The following DOK7 variants were observed in gnomAD, a reference collection of about 807,000 sequenced individuals.
DOK7 encodes the protein protein Dok-7.
A neutral mutation model predicts 30.7 loss-of-function variants in DOK7; 32 were observed. The ratio of observed to expected loss-of-function variants is 1.04; its 90% CI spans 0.79 to 1.40. The LOEUF (loss-of-function observed/expected upper bound fraction) is 1.40, where lower values mean the gene tolerates loss of function less well. Ranked by LOEUF, DOK7 falls within the 40% of genes most tolerant of loss-of-function variation. DOK7 has a pLI of 0.00. For synonymous variants in DOK7, 447 were observed against 324.1 expected, an observed-to-expected ratio of 1.38 and a Z score of -4.07; for missense variants, 1,007 against 699.2, an observed-to-expected ratio of 1.44 and a Z score of -4.97.
In DOK7 at chr4:3,476,639, G is replaced by T. The variant is rs922403702; in HGVS notation, c.532+97G>T. 5 of 1,497,434 alleles carry T rather than the reference G, an allele frequency of 3.3e-6. No individual in the cohort carries two copies. In the African/African-American group the frequency reaches 4.1e-5, roughly 12 times the overall value. The allele number at this position is 1,497,434 out of a possible 1,614,324, so 92.8% of individuals were successfully genotyped here. A position where few individuals can be genotyped will look rare whatever the true frequency, so the allele number is the denominator to read the frequency against. On this transcript the variant is annotated intron_variant, in intron 4 of 6. Coordinates refer to ENST00000340083, the MANE Select transcript of DOK7 (RefSeq NM_173660.5). The stretch of plus-strand genomic sequence containing the variant: ...GGCCGGCCGACCCCACTTGCAGGCT[G>T]GCCTGCTGGCATTTCCAGAATGCGC...
chr4:3,489,613 G>C (rs1311972637), intron 5 of DOK7, 64 bp from the exon 6 acceptor site: 3 of 1,551,756 alleles, frequency 1.9e-6, no homozygotes, highest in Non-Finnish European at 8.7e-7. Context: ...GCTGGGCCTG[G>C]TGCCTGCGGG....
chr4:3,485,568 G>C lies in DOK7; in HGVS notation c.562G>C (p.Glu188Gln). 6.2e-7 allele frequency: 1 copy of C among 1,606,360 alleles called. No individual in the cohort carries two copies. The highest frequency in any genetic ancestry group is 8.5e-7 in the Non-Finnish European group (1 of 1,176,028). The change falls in exon 5 of 7, where the codon GAG (glutamate) becomes CAG (glutamine). Residue 188 changes from glutamate (E) to glutamine (Q), a missense_variant. Physicochemically the swap from Glu to Gln is conservative, Grantham distance 29. Coordinates refer to ENST00000340083, the MANE Select transcript of DOK7 (RefSeq NM_173660.5). ...WAGVFFLSSAEGEQISFLFDC... is the reference protein window; with the variant it reads ...WAGVFFLSSAQGEQISFLFDC... ...TGGCGTCTTCTTCCTGTCCTCGGCC[G>C]AGGGGGAGCAGATCAGCTTCCTGTT...
chr4:3,482,730 C>A (rs1334055085), intron 4 of DOK7, among the ~76,000 whole-genome samples: 1 of 152,236 alleles, frequency 6.6e-6, no homozygotes, highest in Admixed American at 6.5e-5. Context: ...AACATGCGCA[C>A]CCTGTCTTGG....
At chr4:3,490,405 TC>T (rs1222738258) in intron 6 of DOK7, among the ~76,000 whole-genome samples, 703 of 56,754 alleles carry the variant, frequency 0.012, 24 homozygotes, top group African/African-American at 0.044. Flanking sequence ...AGTCCTTCTT[TC>T]ACCCCCCCCA....
At chr4:3,471,909 C>A (rs754629453) in intron 2 of DOK7, among the ~76,000 whole-genome samples, 1 of 152,272 alleles carries the variant, frequency 6.6e-6, no homozygotes, top group African/African-American at 2.4e-5. Flanking sequence ...GGGAAGTGAA[C>A]GCACTGTCGC....
chr4:3,496,871 C>T (rs1728939031), downstream of DOK7: 3 of 1,507,080 alleles, frequency 2.0e-6, no homozygotes, highest in Non-Finnish European at 2.7e-6. Flanking sequence ...AGGTAGGCAC[C>T]TGGAGCCAGT....
At chr4:3,495,405 G>A (rs1728852135), downstream of DOK7, among the ~76,000 whole-genome samples, 1 of 152,240 alleles carries the variant, frequency 6.6e-6, no homozygotes, top group Non-Finnish European at 1.5e-5. Context: ...CCTCTGATGG[G>A]ACCAGACTGA....
chr4:3,493,850 T>C lies in DOK7; in HGVS notation c.*349T>C. On this transcript the variant is annotated 3_prime_UTR_variant, in exon 7 of 7. Transcript: ENST00000340083. The stretch of plus-strand genomic sequence containing the variant: ...CTGGGGTGCCAAGGGCTGGAGGCCC[T>C]GCCGCTGGCCTTGTCCTCCTTGGGC... 4.3e-6 allele frequency: 5 copies of C among 1,174,806 alleles called. No individual in the cohort carries two copies. The highest frequency in any genetic ancestry group is 5.3e-6 in the Non-Finnish European group (5 of 949,210). The allele number at this position is 1,174,806 out of a possible 1,614,324, so 72.8% of individuals were successfully genotyped here.
At chr4:3,481,190 C>T (rs559232934) in intron 4 of DOK7, among the ~76,000 whole-genome samples, 6 of 151,410 alleles carry the variant, frequency 4.0e-5, no homozygotes, top group South Asian at 2.1e-4. Context: ...ACCATTGTCT[C>T]GGAGCAGCAG....
chr4:3,496,104 G>A (rs1157050030), downstream of DOK7, among the ~76,000 whole-genome samples: 3 of 152,224 alleles, frequency 2.0e-5, no homozygotes, highest in Admixed American at 6.5e-5. Context: ...GGCTGGCCCC[G>A]CTTCTGCTCA....
At chr4:3,491,019 TCATTCCTTCCTTCCCCCC>T (rs1195524879) in intron 6 of DOK7, among the ~76,000 whole-genome samples, 6 of 98,602 alleles carry the variant, frequency 6.1e-5, no homozygotes, top group African/African-American at 1.5e-4. Context: ...TCCTGCTCAT[TCATTCCTTCCTTCCCCCC>T]CATTCCTTCC....
intron 2 of DOK7, among the ~76,000 whole-genome samples, chr4:3,471,060 G>A (rs1440511513): frequency 1.3e-5 from 2 of 152,244 alleles, no homozygotes; most frequent in Non-Finnish European, 2.9e-5. Context: ...GGTGGTGGAT[G>A]GTTGGCCAGT....
intron 6 of DOK7, among the ~76,000 whole-genome samples, chr4:3,499,651 G>C (rs1385806384): frequency 6.6e-6 from 1 of 151,932 alleles, no homozygotes; most frequent in East Asian, 2.0e-4. Context: ...AGGGGGTCGG[G>C]GGAAGGGAGT....
intron 4 of DOK7, among the ~76,000 whole-genome samples, chr4:3,480,223 G>T (rs1178714407): frequency 2.6e-5 from 4 of 152,234 alleles, no homozygotes; most frequent in Non-Finnish European, 4.4e-5. Flanking sequence ...GCTCTCTCCA[G>T]CTGGGTCCAG....
chr4:3,466,890 G>T (rs948668105), intron 2 of DOK7, among the ~76,000 whole-genome samples: 1 of 152,304 alleles, frequency 6.6e-6, no homozygotes, highest in South Asian at 2.1e-4. Flanking sequence ...ACCCTCACGC[G>T]TTTCCTTCCC....
At position 3,482,049 on chromosome 4, in the gene DOK7, G is replaced by A. The variant is rs370173743; in HGVS notation, c.533-3490G>A. ...TGTCCTGCTTCTCTGCGTCTTCCAT[G>A]CTCTTTCCTCTTACCCTCACGCCTC... On this transcript the variant is annotated intron_variant, in intron 4 of 6. Transcript: ENST00000340083. 1.4e-3 allele frequency among the ~76,000 whole-genome samples: 216 copies of A among 152,138 alleles called. 1 individual carries two copies. Among genetic ancestry groups the A allele is most frequent in the African/African-American group, 4.9e-3 (202 of 41,498 alleles).
chr4:3,489,698 C>T lies in DOK7; in HGVS notation c.674C>T (p.Ser225Leu), dbSNP rs769699131. The T allele has an allele frequency of 2.0e-5, 32 of 1,564,352 alleles. No homozygotes were observed. Among genetic ancestry groups the T allele is most frequent in the South Asian group, 1.3e-4 (11 of 85,044 alleles). ...ACAGACCCAAGTCCCCCGGGACCCT[C>T]GACTGTGGAGGAGCGTGTGGCCCAG... ...VLPDPSPPGP[S>L]TVEERVAQEA... Residue 225 changes from serine (S) to leucine (L), a missense_variant, in exon 6 of 7, where the codon TCG (serine) becomes TTG (leucine). By Grantham distance (145) the Ser-to-Leu change is moderately radical. Transcript: ENST00000340083.
intron 5 of DOK7, among the ~76,000 whole-genome samples, chr4:3,488,806 G>A (rs565433399): frequency 6.8e-6 from 1 of 146,472 alleles, no homozygotes; most frequent in Non-Finnish European, 1.5e-5. Context: ...TCCCTGCCAG[G>A]GAAACTCTTT....
In DOK7 at chr4:3,476,968, G is replaced by A. The variant is rs189926431; in HGVS notation, c.532+426G>A. On this transcript the variant is annotated intron_variant, in intron 4 of 6. Coordinates refer to ENST00000340083, the MANE Select transcript of DOK7 (RefSeq NM_173660.5). ...TCCTGGTGGACATGCCAGCCACCCC[G>A]CCTGTGGGCCGCCCAGAGCTGCCCT... 1.8e-4 allele frequency among the ~76,000 whole-genome samples: 28 copies of A among 152,354 alleles called. No individual in the cohort carries two copies. The East Asian group carries it at 3.1e-3, about 17-fold the overall frequency.
Sources: allele counts gnomAD v4.1 joint callset (sites outside exome capture counted in the v4.1 genomes callset), GRCh38; gene constraint gnomAD v4.1.1; transcripts MANE v1.5; gene names NCBI Gene and HGNC (gene_info 2026-07-23, HGNC 2026-07-21).